Variants in ZNF493 observed in about 807,000 individuals in gnomAD.
ZNF493 encodes zinc finger protein 493.
A neutral mutation model predicts 12.2 loss-of-function variants in ZNF493; 11 were observed. The observed-to-expected ratio is 0.90, with a 90% CI of 0.57 to 1.50. The LOEUF (loss-of-function observed/expected upper bound fraction) is 1.50. Ranked by LOEUF, ZNF493 falls within the 40% of genes most tolerant of loss-of-function variation. ZNF493 has a pLI of 0.00. For synonymous variants in ZNF493, 286 were observed against 302.6 expected (o/e 0.95, Z 0.57); for missense variants, 950 against 906.6 (o/e 1.05, Z -0.61).
At chr19:21,414,092 A>G (rs1413202164) in intron 3 of ZNF493, 1 of 152,244 alleles carries the variant, frequency 6.6e-6, no homozygotes, top group Non-Finnish European at 1.5e-5. Flanking sequence ...AGAAGCTGGA[A>G]TGCCCACCAC....
intron 3 of ZNF493, chr19:21,408,488 T>C (rs112608565): frequency 0.011 from 10,961 of 983,992 alleles, 170 homozygotes; most frequent in African/African-American, 0.052. Context: ...TTTATAATTA[T>C]ACTGCATATT....
In ZNF493 at chr19:21,405,853, C is replaced by T; in HGVS notation, c.250C>T (p.Pro84Ser). 1 of 1,527,248 alleles carries T rather than the reference C, an allele frequency of 6.5e-7. No homozygotes were observed. The highest frequency in any genetic ancestry group is 8.8e-7 in the Non-Finnish European group (1 of 1,132,178). 94.6% of individuals were successfully genotyped at this position (1,527,248 alleles called of 1,614,324 possible). A position where few individuals can be genotyped will look rare whatever the true frequency, so the allele number is the denominator to read the frequency against. The change falls in exon 3 of 4, where the codon CCA becomes TCA. Residue 84 changes from proline (P) to serine (S), a missense_variant. Physicochemically the swap from Pro to Ser is moderately conservative, Grantham distance 74. Transcript: ENST00000392288. ...MKGHSTVVKP[P>S]VICSHFAEDF... Reference sequence around the variant, plus strand: ...GGGACACAGTACGGTAGTCAAACCCCCAGGTAGGTGAGAGTGAATGAAACA... The same window carrying T: ...GGGACACAGTACGGTAGTCAAACCCTCAGGTAGGTGAGAGTGAATGAAACA...
At chr19:21,417,714 T>C (rs561086279) in intron 3 of ZNF493, among the ~76,000 whole-genome samples, 1 of 152,150 alleles carries the variant, frequency 6.6e-6, no homozygotes, top group Non-Finnish European at 1.5e-5. Flanking sequence ...CCCCCAAAAG[T>C]TGGTCTGAGT....
At chr19:21,399,951 G>A (rs1395566657) in intron 1 of ZNF493, among the ~76,000 whole-genome samples, 1 of 152,076 alleles carries the variant, frequency 6.6e-6, no homozygotes, top group Non-Finnish European at 1.5e-5. Flanking sequence ...CTGTTATCTT[G>A]ATTTGTGAGT....
rs2030764874 is a variant in ZNF493 at position 21,423,901 on chromosome 19, T to C, written c.1242T>C (p.Tyr414=). The change falls in exon 4 of 4, where the codon TAT becomes TAC. Residue 414 remains tyrosine (Y), a synonymous_variant. Transcript: ENST00000392288. ...SHRCEECGKA[Y]KESSHLTTHK... ...GATGTGAAGAATGTGGCAAAGCTTA[T>C]AAGGAGTCTTCACACCTTACTACAC... is the stretch of plus-strand genomic sequence containing the variant. The C allele has an allele frequency of 1.2e-6, 2 of 1,613,314 alleles. No individual in the cohort carries two copies. Among genetic ancestry groups the C allele is most frequent in the Middle Eastern group, 1.7e-4 (1 of 6,050 alleles).
chr19:21,405,926 AAAAG>A (rs1218878850), intron 3 of ZNF493, 70 bp downstream of exon 3: 4 of 1,247,120 alleles, frequency 3.2e-6, no homozygotes, highest in Non-Finnish European at 4.4e-6. Context: ...AAAAAAAAAA[AAAAG>A]CCAGTCCTGG....
chr19:21,427,200 T>C lies in ZNF493; in HGVS notation c.*2216T>C, dbSNP rs1411650102. 1 of 167,100 alleles carries C rather than the reference T, an allele frequency of 6.0e-6. No homozygotes were observed. The highest frequency in any genetic ancestry group is 1.5e-5 in the Non-Finnish European group (1 of 68,116). 10.4% of individuals were successfully genotyped at this position (167,100 alleles called of 1,614,324 possible). A position where few individuals can be genotyped will look rare whatever the true frequency, so the allele number is the denominator to read the frequency against. On this transcript the variant is annotated 3_prime_UTR_variant, in exon 4 of 4. Transcript: ENST00000392288. ...GGAGAGGTTCTTTGTGGTTAACTTA[T>C]ACTATTGAGTGATGCACAAGGTAGG...
At chr19:21,421,203 G>GTT (rs143441996) in intron 3 of ZNF493, among the ~76,000 whole-genome samples, 5 of 151,192 alleles carry the variant, frequency 3.3e-5, no homozygotes, top group Middle Eastern at 3.4e-3. Flanking sequence ...ATTTTTCAGG[G>GTT]TTTTTTTATA....
chr19:21,397,330 T>C, intron 1 of ZNF493, 63 bp downstream of exon 1: 1 of 1,602,120 alleles, frequency 6.2e-7, no homozygotes. Flanking sequence ...CGGTGGGAAG[T>C]GGCTGTGGCG....
intron 3 of ZNF493, chr19:21,408,114 ATTTTTTTTT>A (rs56372601): frequency 5.3e-4 from 440 of 828,522 alleles, no homozygotes; most frequent in Middle Eastern, 1.3e-3. Context: ...GTACTTCCCA[ATTTTTTTTT>A]TTTTTTTTTT....
At chr19:21,406,346 G>GA (rs2030126626) in intron 3 of ZNF493, among the ~76,000 whole-genome samples, 1 of 147,940 alleles carries the variant, frequency 6.8e-6, no homozygotes, top group African/African-American at 2.5e-5. Flanking sequence ...GCATTTTTTT[G>GA]TTTTTTTTTT....
intron 3 of ZNF493, among the ~76,000 whole-genome samples, chr19:21,419,744 A>G (rs1355280594): frequency 1.3e-5 from 2 of 152,202 alleles, no homozygotes; most frequent in African/African-American, 2.4e-5. Flanking sequence ...AGTTGACAGT[A>G]TTAACCATCA....
In ZNF493 at chr19:21,397,248, C is replaced by T. The variant is rs1364339799; in HGVS notation, c.11C>T (p.Pro4Leu). 1.9e-6 allele frequency: 3 copies of T among 1,614,200 alleles called. No homozygotes were observed. Among genetic ancestry groups the T allele is most frequent in the East Asian group, 2.2e-5 (1 of 44,882 alleles). Reference protein sequence around the residue: MPGPPESLDMGPLT... With the variant: MPGLPESLDMGPLT... ...AAATCCATAGCTAAGATGCCAGGAC[C>T]CCCTGAAAGCCTAGACATGGTGAGA... The change falls in exon 1 of 4, where the codon CCC (proline) becomes CTC (leucine). Residue 4 changes from proline (P) to leucine (L), a missense_variant. Pro to Leu is a moderately conservative substitution (Grantham distance 98). Transcript: ENST00000392288.
rs1345237748 is a variant in ZNF493, at chr19:21,424,617, T to C, written c.1958T>C (p.Val653Ala). ...HLAGHKQIHS[V>A]QKPYKCEECG... is the part of the protein sequence containing the mutation. ...GCTGGGCACAAGCAAATTCATAGTG[T>C]ACAAAAACCCTACAAATGTGAAGAA... The change falls in exon 4 of 4, where the codon GTA becomes GCA. Residue 653 changes from valine to alanine, a missense_variant. Transcript: ENST00000392288. The C allele has an allele frequency of 6.3e-7, 1 of 1,596,334 alleles. No homozygotes were observed.
Position 21,423,357 on chromosome 19 carries a change from C to T in ZNF493, c.698C>T (p.Thr233Ile). 3 of 1,613,612 alleles carry T rather than the reference C, an allele frequency of 1.9e-6. No individual in the cohort carries two copies. The highest frequency in any genetic ancestry group is 2.2e-5 in the East Asian group (1 of 44,760). ...CTTACTAGACACAGGAGAGTTCATA[C>T]TGGAGAGAAATCCTACAAATATGAA... The part of the protein sequence containing the change: ...STLTRHRRVH[T>I]GEKSYKYECG... The change falls in exon 4 of 4, where the codon ACT becomes ATT. Residue 233 changes from threonine to isoleucine, a missense_variant. Thr to Ile is a moderately conservative substitution (Grantham distance 89). Transcript: ENST00000392288.
chr19:21,413,255 G>T, intron 3 of ZNF493: 2 of 391,438 alleles, frequency 5.1e-6, no homozygotes, highest in Non-Finnish European at 9.1e-6. Context: ...ATTTATTATG[G>T]TAAATACTGA....
intron 3 of ZNF493, among the ~76,000 whole-genome samples, chr19:21,409,797 A>G (rs879531672): frequency 1.3e-5 from 2 of 152,102 alleles, no homozygotes; most frequent in Admixed American, 1.3e-4. Context: ...TTGTTATGCA[A>G]AAGACTTCTA....
chr19:21,413,913 T>A (rs1450136404), intron 3 of ZNF493: 1 of 155,124 alleles, frequency 6.4e-6, no homozygotes, highest in South Asian at 2.0e-4. Flanking sequence ...TATTGTCTAT[T>A]TCCCCCCGTC....
At chr19:21,411,320 CT>C (rs756740378) in intron 3 of ZNF493, among the ~76,000 whole-genome samples, 1 of 152,092 alleles carries the variant, frequency 6.6e-6, no homozygotes, top group Admixed American at 6.6e-5. Flanking sequence ...AAGTATCACA[CT>C]TTTTGTTATT....
Sources: gnomAD v4.1 joint callset for allele counts (sites outside exome capture counted in the v4.1 genomes callset) on GRCh38, gnomAD v4.1.1 for gene constraint, MANE v1.5 for transcripts, NCBI Gene and HGNC (gene_info 2026-07-23, HGNC 2026-07-21) for gene names.